RNF180: variants seen among roughly 807,000 people sequenced by gnomAD.
RNF180 encodes the protein ring finger protein 180.
RNF180 carries 38 observed loss-of-function variants against 59.2 expected under a neutral mutation model. The ratio of observed to expected loss-of-function variants is 0.64; its 90% CI spans 0.50 to 0.84. The LOEUF is 0.84. Among genes scored for constraint, RNF180 ranks in the 40% least tolerant of loss-of-function variants. The pLI, the probability that RNF180 is intolerant of heterozygous loss-of-function variation, is 0.00. For missense variants in RNF180, 705 were observed against 700.9 expected (o/e 1.01, Z -0.07); for synonymous variants, 262 against 240.3 (o/e 1.09, Z -0.84).
chr5:64,317,621 T>C (rs374860513), intron 5 of RNF180, among the ~76,000 whole-genome samples: 1 of 110,190 alleles, frequency 9.1e-6, no homozygotes, highest in Non-Finnish European at 1.7e-5. Context: ...CACACACATA[T>C]ATACACACAC....
chr5:64,249,224 C>G (rs1224565175), intron 5 of RNF180, among the ~76,000 whole-genome samples: 2 of 152,064 alleles, frequency 1.3e-5, no homozygotes, highest in Non-Finnish European at 2.9e-5. Flanking sequence ...GCACATTCTG[C>G]ACATGTATTC....
chr5:64,273,094 C>T, intron 5 of RNF180, among the ~76,000 whole-genome samples: 1 of 151,862 alleles, frequency 6.6e-6, no homozygotes, highest in East Asian at 1.9e-4. Flanking sequence ...AAAGTGACCT[C>T]AGGTTGTCCT....
chr5:64,308,635 T>C (rs1743598085), intron 5 of RNF180, among the ~76,000 whole-genome samples: 1 of 151,684 alleles, frequency 6.6e-6, no homozygotes, highest in African/African-American at 2.4e-5. Flanking sequence ...TATTCCAGAA[T>C]ATGGCACTTT....
At chr5:64,266,903 G>T (rs1174370162) in intron 5 of RNF180, among the ~76,000 whole-genome samples, 2 of 152,054 alleles carry the variant, frequency 1.3e-5, no homozygotes, top group Non-Finnish European at 2.9e-5. Flanking sequence ...TCACTTATTT[G>T]CAAAACCTGT....
intron 7 of RNF180, among the ~76,000 whole-genome samples, chr5:64,365,219 T>TAGTTTCAA (rs1746401720): frequency 6.6e-6 from 1 of 151,312 alleles, no homozygotes. Context: ...CTCTTCTCAT[T>TAGTTTCAA]AGTTTCAAAG....
intron 1 of RNF180, among the ~76,000 whole-genome samples, chr5:64,183,382 A>G (rs962329977): frequency 6.6e-6 from 1 of 151,952 alleles, no homozygotes; most frequent in Middle Eastern, 3.4e-3. Flanking sequence ...TTAGTTTCAA[A>G]TATATGAAGG....
At chr5:64,229,033 C>T (rs1379573984) in intron 5 of RNF180, among the ~76,000 whole-genome samples, 1 of 150,056 alleles carries the variant, frequency 6.7e-6, no homozygotes. Flanking sequence ...GTGATCCTCT[C>T]ACCTCAGCCC....
chr5:64,309,364 C>T (rs553055713), intron 5 of RNF180, among the ~76,000 whole-genome samples: 9 of 151,704 alleles, frequency 5.9e-5, no homozygotes, highest in Non-Finnish European at 1.0e-4. Flanking sequence ...CATATTCACT[C>T]AGAGTACATA....
rs1019831831 is a variant in RNF180 at position 64,265,209 on chromosome 5, G to A, written c.1227+47813G>A. Among the ~76,000 whole-genome samples the A allele has an allele frequency of 5.9e-5, 9 of 152,194 alleles. No homozygotes were observed. The East Asian group carries it at 1.2e-3, about 20-fold the overall frequency. ...CACTCTGATGATAGTTTCCTTTAAT[G>A]TGCAGAAGCTCTTTAGTTTAATTAG... On this transcript the variant is annotated intron_variant, in intron 5 of 7. Transcript: ENST00000389100.
intron 6 of RNF180, among the ~76,000 whole-genome samples, chr5:64,329,580 C>T (rs773045887): frequency 1.3e-5 from 2 of 151,856 alleles, no homozygotes; most frequent in African/African-American, 2.4e-5. Context: ...GCCTCAGCCT[C>T]CCAAGTAGCT....
chr5:64,210,130 C>A (rs987383592), intron 2 of RNF180, among the ~76,000 whole-genome samples: 1 of 152,032 alleles, frequency 6.6e-6, no homozygotes, highest in African/African-American at 2.4e-5. Flanking sequence ...TTAAGTTTAG[C>A]GTGTATGAAG....
At chr5:64,264,547 A>C (rs1216937328) in intron 5 of RNF180, among the ~76,000 whole-genome samples, 1 of 152,170 alleles carries the variant, frequency 6.6e-6, no homozygotes, top group Non-Finnish European at 1.5e-5. Flanking sequence ...ATGTCCCTGC[A>C]AAGAACATGA....
intron 5 of RNF180, among the ~76,000 whole-genome samples, chr5:64,262,048 T>C (rs1744370662): frequency 6.6e-6 from 1 of 152,164 alleles, no homozygotes; most frequent in African/African-American, 2.4e-5. Flanking sequence ...TGAAGTATCA[T>C]TTTATTGTTA....
At chr5:64,252,763 G>C (rs991160400) in intron 5 of RNF180, among the ~76,000 whole-genome samples, 3 of 152,110 alleles carry the variant, frequency 2.0e-5, no homozygotes, top group Non-Finnish European at 4.4e-5. Context: ...ATCTAAAGAG[G>C]CTTCATGACA....
chr5:64,300,507 A>G (rs1045435847), intron 5 of RNF180, among the ~76,000 whole-genome samples: 5 of 151,634 alleles, frequency 3.3e-5, no homozygotes, highest in Non-Finnish European at 7.4e-5. Flanking sequence ...CTTTTTTGGG[A>G]TGTTACTTCT....
In RNF180 at chr5:64,262,270, C is replaced by T. The variant is rs192783067; in HGVS notation, c.1227+44874C>T. ...ATCCATTCTTTAAGATTACTTTCTT[C>T]CCTTTGTTATATACATAAATAAGTA... On this transcript the variant is annotated intron_variant, in intron 5 of 7. Transcript: ENST00000389100. Among the ~76,000 whole-genome samples the T allele has an allele frequency of 4.5e-4, 69 of 152,188 alleles. No individual in the cohort carries two copies. The East Asian group carries it at 0.012, about 27-fold the overall frequency.
chr5:64,322,382 CAT>C (rs1229940401), intron 5 of RNF180, among the ~76,000 whole-genome samples: 5 of 151,796 alleles, frequency 3.3e-5, no homozygotes, highest in Admixed American at 1.3e-4. Flanking sequence ...AGCCAACAAA[CAT>C]ATGAAAAAAA....
chr5:64,293,255 G>T (rs755027474), intron 5 of RNF180, among the ~76,000 whole-genome samples: 2 of 152,142 alleles, frequency 1.3e-5, no homozygotes, highest in Admixed American at 1.3e-4. Flanking sequence ...TCCTGGGGGG[G>T]CTGTTGTCCC....
At chr5:64,194,690 C>T (rs1035215861) in intron 1 of RNF180, among the ~76,000 whole-genome samples, 1 of 152,162 alleles carries the variant, frequency 6.6e-6, no homozygotes, top group East Asian at 1.9e-4. Context: ...TTTTAATGAT[C>T]ACCATTCAAA....
Sources: allele counts gnomAD v4.1 joint callset (sites outside exome capture counted in the v4.1 genomes callset), GRCh38; gene constraint gnomAD v4.1.1; transcripts MANE v1.5; gene names NCBI Gene and HGNC (gene_info 2026-07-23, HGNC 2026-07-21).